Variants in ITGA4 observed in about 807,000 individuals in gnomAD.
ITGA4 encodes integrin alpha-4.
Under a neutral mutation model 133.6 loss-of-function variants are expected in ITGA4, and 63 were observed. The observed-to-expected ratio is 0.47, with a 90% confidence interval of 0.38 to 0.58. The LOEUF (loss-of-function observed/expected upper bound fraction) is 0.58, where lower values mean the gene tolerates loss of function less well. Ranked by LOEUF, ITGA4 falls within the 20% of genes least tolerant of loss-of-function variation. ITGA4 has a pLI of 0.00. For synonymous variants in ITGA4, 483 were observed against 438.0 expected (o/e 1.10, Z -1.28); for missense variants, 1,076 against 1,252.7 (o/e 0.86, Z 2.13).
chr2:181,538,616 T>C lies in ITGA4; in HGVS notation c.*3089T>C, dbSNP rs1230311309. Among the ~76,000 whole-genome samples, 1 of 152,150 alleles carries C rather than the reference T, an allele frequency of 6.6e-6. No individual in the cohort carries two copies. Among genetic ancestry groups the C allele is most frequent in the Non-Finnish European group, 1.5e-5 (1 of 68,012 alleles). On this transcript the variant is annotated 3_prime_UTR_variant, in exon 28 of 28. Coordinates refer to ENST00000397033, the MANE Select transcript of ITGA4 (RefSeq NM_000885.6). ...AAACCTGTTTATACCAGTTGCTATG[T>C]AAAATTGTTCCCAAGGGAAGTTGAA...
At position 181,523,169 on chromosome 2, in the gene ITGA4, TACACAC is replaced by T. The variant is rs1223365046; in HGVS notation, c.2074-262_2074-257del. ...ACTAGAGTACACACATATATGTATA[TACACAC>T]ACACATACACATACACATATATATA... On this transcript the variant is annotated intron_variant, in intron 18 of 27. Coordinates refer to ENST00000397033, the MANE Select transcript of ITGA4 (RefSeq NM_000885.6). The surrounding 1 kb of genome is among the most constrained non-coding windows in gnomAD (Gnocchi z 4.2). Among the ~76,000 whole-genome samples the T allele has an allele frequency of 4.0e-5, 6 of 151,772 alleles. No homozygotes were observed. Among genetic ancestry groups the T allele is most frequent in the Admixed American group, 2.0e-4 (3 of 15,214 alleles).
chr2:181,514,126 T>C (rs148099301), intron 17 of ITGA4, among the ~76,000 whole-genome samples: 3 of 152,210 alleles, frequency 2.0e-5, no homozygotes, highest in Non-Finnish European at 4.4e-5. Context: ...AAAATATGTT[T>C]GACATTAAGA....
At position 181,535,462 on chromosome 2, in the gene ITGA4, A is replaced by G; in HGVS notation, c.3034A>G (p.Ile1012Val). The change falls in exon 28 of 28, where the codon ATC (isoleucine) becomes GTC (valine). Residue 1012 changes from isoleucine to valine, a missense_variant. By Grantham distance (29) the Ile-to-Val change is conservative. Around this residue, in one of 4 missense-constraint regions of ITGA4, gnomAD observed 193 missense variants for 172.3 expected, o/e 1.12. Transcript: ENST00000397033. Reference sequence around the variant, plus strand: ...CTTCTTTAAAAGACAATACAAATCTATCCTACAAGAAGAAAACAGAAGAGA... The same window carrying G: ...CTTCTTTAAAAGACAATACAAATCTGTCCTACAAGAAGAAAACAGAAGAGA... ...AGFFKRQYKS[I>V]LQEENRRDSW... is the part of the protein sequence containing the mutation. The G allele has an allele frequency of 6.2e-7, 1 of 1,610,074 alleles. No homozygotes were observed. Among genetic ancestry groups the G allele is most frequent in the Non-Finnish European group, 8.5e-7 (1 of 1,177,788 alleles).
In ITGA4 at chr2:181,537,330, T is replaced by C; in HGVS notation, c.*1803T>C. 1 of 453,848 alleles carries C rather than the reference T, an allele frequency of 2.2e-6. No individual in the cohort carries two copies. Among genetic ancestry groups the C allele is most frequent in the Non-Finnish European group, 4.4e-6 (1 of 226,698 alleles). 28.1% of individuals were successfully genotyped at this position (453,848 alleles called of 1,614,324 possible). On this transcript the variant is annotated 3_prime_UTR_variant, in exon 28 of 28. Transcript: ENST00000397033. ...TGAGCACAGTGAAAGCAGAGTACTA[T>C]GGTTGTCCAACACAGGCCTCTCAGA...
chr2:181,476,724 A>G (rs943728558), intron 4 of ITGA4, among the ~76,000 whole-genome samples: 1 of 152,174 alleles, frequency 6.6e-6, no homozygotes. Context: ...ACCTAAATGC[A>G]CATCAATGTT....
chr2:181,534,674 A>G (rs1406357573), intron 26 of ITGA4, 142 bp from the exon 27 acceptor site: 2 of 704,248 alleles, frequency 2.8e-6, no homozygotes, highest in Non-Finnish European at 4.7e-6. Flanking sequence ...TCCTGCAATT[A>G]TATTAGAACC....
chr2:181,476,081 C>G (rs1574383065), intron 4 of ITGA4: 2 of 401,822 alleles, frequency 5.0e-6, no homozygotes, highest in East Asian at 4.1e-5. Flanking sequence ...GCTAATAAGA[C>G]TTTGGTCTTT....
chr2:181,458,458 C>A, intron 2 of ITGA4, 141 bp downstream of exon 2: 1 of 875,466 alleles, frequency 1.1e-6, no homozygotes, highest in African/African-American at 1.7e-5. Context: ...AACTCCATCT[C>A]ATCTTGCCTC....
In ITGA4 at chr2:181,503,000, G is replaced by A. The variant is rs369297354; in HGVS notation, c.1695+4223G>A. Among the ~76,000 whole-genome samples, 44 of 152,046 alleles carry A rather than the reference G, an allele frequency of 2.9e-4. 1 individual carries two copies. The South Asian group carries it at 8.3e-3, about 29-fold the overall frequency. Reference sequence around the variant, plus strand: ...AGGAGGGGAGGGGGCACACCAAGACGGTGAGGGACCAGGAAAGAAATTTGA... The same window carrying A: ...AGGAGGGGAGGGGGCACACCAAGACAGTGAGGGACCAGGAAAGAAATTTGA... On this transcript the variant is annotated intron_variant, in intron 15 of 27. Transcript: ENST00000397033.
rs140774626 is a variant in ITGA4, at chr2:181,467,113, A to G, written c.320-7847A>G. Among the ~76,000 whole-genome samples the G allele has an allele frequency of 4.6e-3, 694 of 152,250 alleles. 6 individuals carry two copies. The highest frequency in any genetic ancestry group is 0.016 in the African/African-American group (667 of 41,520). On this transcript the variant is annotated intron_variant, in intron 2 of 27. Coordinates refer to ENST00000397033, the MANE Select transcript of ITGA4 (RefSeq NM_000885.6). Reference sequence around the variant, plus strand: ...ATATCTTGAATGAATGACTCTTTATAAAATATGGAATTGGAACAAGGGTCA... The same window carrying G: ...ATATCTTGAATGAATGACTCTTTATGAAATATGGAATTGGAACAAGGGTCA...
intron 22 of ITGA4, among the ~76,000 whole-genome samples, chr2:181,528,840 T>G (rs1686885508): frequency 6.6e-6 from 1 of 152,188 alleles, no homozygotes; most frequent in Admixed American, 6.5e-5. Context: ...TAGGCTATAT[T>G]TTGGCCCCAT....
chr2:181,490,761 TATTTA>T (rs1335366571), intron 10 of ITGA4, among the ~76,000 whole-genome samples: 1 of 151,956 alleles, frequency 6.6e-6, no homozygotes, highest in Non-Finnish European at 1.5e-5. Context: ...TCAGAGTATT[TATTTA>T]ATATGGTGGT....
chr2:181,511,114 T>A (rs529429416), intron 16 of ITGA4, among the ~76,000 whole-genome samples: 1 of 152,070 alleles, frequency 6.6e-6, no homozygotes, highest in Non-Finnish European at 1.5e-5. Flanking sequence ...CATTTTTTCC[T>A]TTTGCCCAGC....
At chr2:181,531,337 C>T (rs1214392065) in intron 24 of ITGA4, among the ~76,000 whole-genome samples, 1 of 152,016 alleles carries the variant, frequency 6.6e-6, no homozygotes, top group East Asian at 1.9e-4. Context: ...CGTTTTACAA[C>T]AAACAAAGAA....
In ITGA4 at chr2:181,457,601, G is replaced by T. The variant is rs1356881872; in HGVS notation, c.-54G>T. On this transcript the variant is annotated 5_prime_UTR_variant, in exon 1 of 28. Transcript: ENST00000397033. ...CCCCGTTGGCCAACCGTCGCATCCC[G>T]TGCAACTTTGGGGTAGTGGCCGTTT... The T allele has an allele frequency of 2.0e-6, 3 of 1,530,952 alleles. No homozygotes were observed. In the African/African-American group the frequency reaches 4.1e-5, roughly 21 times the overall value. 94.8% of individuals were successfully genotyped at this position (1,530,952 alleles called of 1,614,324 possible).
At chr2:181,459,772 T>C (rs1285278643) in intron 2 of ITGA4, among the ~76,000 whole-genome samples, 1 of 152,216 alleles carries the variant, frequency 6.6e-6, no homozygotes, top group Non-Finnish European at 1.5e-5. Context: ...CAGAGGATCT[T>C]GGCAAGGTCT....
intron 4 of ITGA4, among the ~76,000 whole-genome samples, chr2:181,478,181 TAGAG>T (rs1027298207): frequency 1.3e-5 from 2 of 151,968 alleles, no homozygotes; most frequent in African/African-American, 2.4e-5. Context: ...GTCAAATACA[TAGAG>T]AAGAAGGTGA....
In ITGA4 at chr2:181,486,812, T is replaced by G. The variant is rs571352260; in HGVS notation, c.1153+820T>G. Reference sequence around the variant, plus strand: ...TTCATGGAGTTCAGCACATAAGTATTTGATACTTATTTTTAGGGTTCATAA... The same window carrying G: ...TTCATGGAGTTCAGCACATAAGTATGTGATACTTATTTTTAGGGTTCATAA... On this transcript the variant is annotated intron_variant, in intron 10 of 27. Transcript: ENST00000397033. Among the ~76,000 whole-genome samples, 63 of 152,308 alleles carry G rather than the reference T, an allele frequency of 4.1e-4. 1 individual carries two copies. Among genetic ancestry groups the G allele is most frequent in the African/African-American group, 1.5e-3 (63 of 41,562 alleles).
intron 2 of ITGA4, among the ~76,000 whole-genome samples, chr2:181,460,918 T>G (rs1411812843): frequency 6.6e-6 from 1 of 152,110 alleles, no homozygotes; most frequent in Admixed American, 6.5e-5. Context: ...GATCGATCTG[T>G]GATTGCCATG....
Sources: gnomAD v4.1 joint callset for allele counts (sites outside exome capture counted in the v4.1 genomes callset) on GRCh38, gnomAD v4.1.1 for gene constraint, gnomAD v4.1.1 regional missense constraint, Gnocchi (gnomAD v3.1) non-coding constraint, MANE v1.5 for transcripts, NCBI Gene and HGNC (gene_info 2026-07-23, HGNC 2026-07-21) for gene names.